Variants in MRPS27 observed in about 807,000 individuals in gnomAD.
MRPS27 encodes the protein mitochondrial ribosomal protein S27.
In MRPS27, 43 loss-of-function variants were observed where a neutral mutation model predicts 48.9. That is an observed-to-expected ratio of 0.88 (90% CI 0.69 to 1.13). The LOEUF is 1.13. Ranked by LOEUF, MRPS27 falls within the 50% of genes most tolerant of loss-of-function variation. The pLI is 0.00. For synonymous variants in MRPS27, 188 were observed against 171.9 expected (o/e 1.09, Z -0.73); for missense variants, 467 against 476.3 (o/e 0.98, Z 0.18).
intron 4 of MRPS27, among the ~76,000 whole-genome samples, chr5:72,275,644 C>A (rs1299271366): frequency 6.6e-6 from 1 of 152,200 alleles, no homozygotes. Flanking sequence ...GGATTCTTAG[C>A]AAAGCAATTT....
intron 1 of MRPS27, 128 bp from the exon 2 acceptor site, chr5:72,314,286 A>G (rs1283353533): frequency 1.8e-6 from 1 of 559,944 alleles, no homozygotes; most frequent in African/African-American, 1.9e-5. Context: ...CTAATACAGT[A>G]CAGCAACCAA....
chr5:72,235,591 C>G (rs1748181912), intron 5 of MRPS27, among the ~76,000 whole-genome samples: 2 of 152,134 alleles, frequency 1.3e-5, no homozygotes, highest in South Asian at 4.1e-4. Flanking sequence ...GAAGGCTATG[C>G]ATGTGTTGGG....
At chr5:72,284,579 A>C (rs144645944) in intron 4 of MRPS27, among the ~76,000 whole-genome samples, 124 of 152,356 alleles carry the variant, frequency 8.1e-4, no homozygotes, top group African/African-American at 2.8e-3. Context: ...TATAAAATTC[A>C]AAAGTTACAA....
intron 4 of MRPS27, among the ~76,000 whole-genome samples, chr5:72,247,425 C>T (rs905124481): frequency 6.6e-6 from 1 of 152,098 alleles, no homozygotes; most frequent in Admixed American, 6.5e-5. Flanking sequence ...CAAAGATAAA[C>T]GAGCAACCAT....
Position 72,295,543 on chromosome 5 carries a change from T to TA in MRPS27, c.268dup (p.Tyr90LeufsTer25). ...ATGGAAAACTTACTTGTAAAGGTAATACTCTGCATGATCTATCTCTTCCCG... is the reference window on the plus strand; with the variant it reads ...ATGGAAAACTTACTTGTAAAGGTAATAACTCTGCATGATCTATCTCTTCCCG... On this transcript the variant is annotated frameshift_variant, in exon 4 of 11. Coordinates refer to ENST00000261413, the MANE Select transcript of MRPS27 (RefSeq NM_015084.3). LOFTEE classifies it high-confidence loss of function. 6.2e-7 allele frequency: 1 copy of TA among 1,610,028 alleles called. No homozygotes were observed. Among genetic ancestry groups the TA allele is most frequent in the Non-Finnish European group, 8.5e-7 (1 of 1,176,450 alleles).
At chr5:72,314,781 C>A (rs2112092339) in intron 1 of MRPS27, 1 of 152,304 alleles carries the variant, frequency 6.6e-6, no homozygotes, top group East Asian at 1.9e-4. Flanking sequence ...CAGGCAAGCC[C>A]TAGAACACCT....
rs144516772 is a variant in MRPS27 at position 72,277,507 on chromosome 5, G to A, written c.281+18024C>T. 3.7e-3 allele frequency among the ~76,000 whole-genome samples: 566 copies of A among 152,212 alleles called. 1 individual carries two copies. Among genetic ancestry groups the A allele is most frequent in the African/African-American group, 0.013 (550 of 41,518 alleles). ...TAATCCCAGTTACTTGGGAGGCTGAGGCAGGAGAATCGCTTGAACCAGGGA... is the reference window on the plus strand; with the variant it reads ...TAATCCCAGTTACTTGGGAGGCTGAAGCAGGAGAATCGCTTGAACCAGGGA... On this transcript the variant is annotated intron_variant, in intron 4 of 10. Transcript: ENST00000261413.
At chr5:72,265,344 G>A (rs1345152850) in intron 4 of MRPS27, among the ~76,000 whole-genome samples, 1 of 152,116 alleles carries the variant, frequency 6.6e-6, no homozygotes, top group African/African-American at 2.4e-5. Flanking sequence ...ACAGGGTCTG[G>A]GCACTTAAGA....
chr5:72,316,434 C>A (rs1750565700), intron 1 of MRPS27, among the ~76,000 whole-genome samples: 1 of 152,130 alleles, frequency 6.6e-6, no homozygotes, highest in African/African-American at 2.4e-5. Flanking sequence ...ATGGTGTGAT[C>A]TTGGCTCACT....
intron 4 of MRPS27, among the ~76,000 whole-genome samples, chr5:72,288,457 C>T (rs62364780): frequency 3.3e-5 from 5 of 152,144 alleles, no homozygotes; most frequent in South Asian, 2.1e-4. Flanking sequence ...GTGATCTGCC[C>T]GCCTCGGCTC....
intron 4 of MRPS27, among the ~76,000 whole-genome samples, chr5:72,290,718 GT>G (rs1749795207): frequency 6.6e-6 from 1 of 152,220 alleles, no homozygotes; most frequent in Non-Finnish European, 1.5e-5. Flanking sequence ...TGGATAGGAA[GT>G]AGAAATTAAT....
chr5:72,281,549 G>A (rs555261461), intron 4 of MRPS27, among the ~76,000 whole-genome samples: 34 of 152,196 alleles, frequency 2.2e-4, no homozygotes, highest in Non-Finnish European at 3.7e-4. Flanking sequence ...GAAAATCAGG[G>A]TAAGTTTATG....
chr5:72,314,141 A>C lies in MRPS27; in HGVS notation c.91T>G (p.Ser31Ala). The change falls in exon 2 of 11, where the codon TCT becomes GCT. Residue 31 changes from serine (S) to alanine (A), a missense_variant. Physicochemically the swap from Ser to Ala is moderately conservative, Grantham distance 99 (BLOSUM62 1). Coordinates refer to ENST00000261413, the MANE Select transcript of MRPS27 (RefSeq NM_015084.3). ...LSPAGKRYLL[S>A]SAYVDSHKWE... ...TTGTGGCTGTCTACATAGGCTGAAG[A>C]AAGCAGGTATCTTTTACCTGAGAAA... 1 of 1,612,978 alleles carries C rather than the reference A, an allele frequency of 6.2e-7. No homozygotes were observed. Among genetic ancestry groups the C allele is most frequent in the Non-Finnish European group, 8.5e-7 (1 of 1,179,342 alleles).
chr5:72,299,439 T>C (rs1203419609), intron 2 of MRPS27, among the ~76,000 whole-genome samples: 2 of 152,330 alleles, frequency 1.3e-5, no homozygotes, highest in Admixed American at 6.5e-5. Flanking sequence ...AATTAGATGA[T>C]GGGAGATCCA....
chr5:72,261,870 G>T (rs1245235510), intron 4 of MRPS27, among the ~76,000 whole-genome samples: 1 of 152,144 alleles, frequency 6.6e-6, no homozygotes, highest in Admixed American at 6.5e-5. Flanking sequence ...CTTGGTAGTG[G>T]TTGCCACATT....
intron 4 of MRPS27, among the ~76,000 whole-genome samples, chr5:72,279,244 G>T (rs1749469097): frequency 3.9e-5 from 6 of 152,160 alleles, no homozygotes; most frequent in Admixed American, 2.0e-4. Flanking sequence ...CTATTCATAT[G>T]TTAAATATGT....
rs1314656221 is a variant in MRPS27, at chr5:72,251,772, G to A, written c.282-13644C>T. Among the ~76,000 whole-genome samples the A allele has an allele frequency of 8.5e-5, 13 of 152,206 alleles. 1 individual carries two copies. In the South Asian group the frequency reaches 2.7e-3, roughly 32 times the overall value. ...GCTCAGAAGAAGAAAGTAGTTATTT[G>A]TGTAGAACATGCCACCCATCCAAGG... On this transcript the variant is annotated intron_variant, in intron 4 of 10. Coordinates refer to ENST00000261413, the MANE Select transcript of MRPS27 (RefSeq NM_015084.3).
At chr5:72,268,335 C>A (rs1204968570) in intron 4 of MRPS27, among the ~76,000 whole-genome samples, 34 of 152,114 alleles carry the variant, frequency 2.2e-4, no homozygotes. Context: ...CAAGTAAAAA[C>A]AAATACTCGG....
In MRPS27 at chr5:72,275,981, CAAAGGAAA is replaced by C. The variant is rs536955977; in HGVS notation, c.281+19542_281+19549del. 1.9e-3 allele frequency among the ~76,000 whole-genome samples: 284 copies of C among 146,886 alleles called. 1 individual carries two copies. The highest frequency in any genetic ancestry group is 6.1e-3 in the South Asian group (27 of 4,462). ...TACTGTGGCGTGCCTGGGCATTTAACAAAGGAAAAAAGGAAAAAAGGAGAAAAAAGGAG... is the reference window on the plus strand; with the variant it reads ...TACTGTGGCGTGCCTGGGCATTTAACAAAGGAAAAAAGGAGAAAAAAGGAG... On this transcript the variant is annotated intron_variant, in intron 4 of 10. Transcript: ENST00000261413.
Sources: gnomAD v4.1 joint callset for allele counts (sites outside exome capture counted in the v4.1 genomes callset) on GRCh38, gnomAD v4.1.1 for gene constraint, MANE v1.5 for transcripts, NCBI Gene and HGNC (gene_info 2026-07-23, HGNC 2026-07-21) for gene names.